BTK: variants seen among roughly 807,000 people sequenced by gnomAD.
BTK encodes Bruton tyrosine kinase, also known as tyrosine-protein kinase BTK.
BTK carries 5 observed loss-of-function variants against 57.4 expected under a neutral mutation model. The ratio of observed to expected loss-of-function variants is 0.09; its 90% CI spans 0.05 to 0.18. The LOEUF (loss-of-function observed/expected upper bound fraction) is 0.18. BTK is among the 10% of genes least tolerant of loss of function. The pLI is 1.00. For synonymous variants in BTK, 154 were observed against 174.3 expected (o/e 0.88, Z 0.92); for missense variants, 194 against 501.2 (o/e 0.39, Z 5.85).
intron 12 of BTK, 37 bp from the exon 13 acceptor site, chrX:101,357,620 G>A (rs1555978037): frequency 4.5e-6 from 5 of 1,111,506 alleles, no homozygotes; most frequent in Non-Finnish European, 6.2e-6. Context: ...TTGGTGTGGT[G>A]TAGGAGGTGG....
intron 5 of BTK, among the ~76,000 whole-genome samples, chrX:101,364,409 C>CAAA (rs782095484): frequency 6.0e-5 from 3 of 50,049 alleles, no homozygotes; most frequent in African/African-American, 1.5e-4. Flanking sequence ...AACTCCAACT[C>CAAA]AAAAAAAAAA....
At chrX:101,362,861 T>G in intron 5 of BTK, 172 bp from the exon 6 acceptor site, 1 of 613,867 alleles carries the variant, frequency 1.6e-6, no homozygotes, top group Non-Finnish European at 2.7e-6. Context: ...CCTGCCTGAC[T>G]GTGCCCTGGT....
intron 1 of BTK, among the ~76,000 whole-genome samples, chrX:101,384,945 C>T (rs1927566550): frequency 9.0e-6 from 1 of 111,555 alleles, no homozygotes; most frequent in African/African-American, 3.3e-5. Context: ...CTCTGGGGGA[C>T]ATTGGCAGGT....
chrX:101,373,099 A>G (rs1927088801), intron 3 of BTK, among the ~76,000 whole-genome samples: 1 of 110,147 alleles, frequency 9.1e-6, no homozygotes, highest in Non-Finnish European at 1.9e-5. Flanking sequence ...AATAATAATA[A>G]TAAAAATAAC....
chrX:101,354,569 C>T (rs2147425676), intron 16 of BTK, 61 bp downstream of exon 16: 2 of 1,082,738 alleles, frequency 1.8e-6, no homozygotes, highest in Non-Finnish European at 2.6e-6. Flanking sequence ...GTAACACCTA[C>T]CCATGTTTCA....
At position 101,356,037 on chromosome X, in the gene BTK, C is replaced by T; in HGVS notation, c.1566+15G>A. ...ATCAGCCCTTTGTCCTAGGCCAATCCTTCTAAGGTCCCACCAGGTCTCGGT... is the reference window on the plus strand; with the variant it reads ...ATCAGCCCTTTGTCCTAGGCCAATCTTTCTAAGGTCCCACCAGGTCTCGGT... On this transcript the variant is annotated intron_variant, in intron 15 of 18. Transcript: ENST00000308731. The T allele has an allele frequency of 8.3e-7, 1 of 1,207,615 alleles. No homozygotes were observed. Among genetic ancestry groups the T allele is most frequent in the Non-Finnish European group, 1.1e-6 (1 of 892,040 alleles).
At position 101,365,035 on chromosome X, in the gene BTK, C is replaced by T. The variant is rs374913994; in HGVS notation, c.392-2346G>A. 3.0e-4 allele frequency among the ~76,000 whole-genome samples: 34 copies of T among 111,915 alleles called. No homozygotes were observed. In the East Asian group the frequency reaches 5.4e-3, roughly 18 times the overall value. On this transcript the variant is annotated intron_variant, in intron 5 of 18. Coordinates refer to ENST00000308731, the MANE Select transcript of BTK (RefSeq NM_000061.3). ...TTGGGATTACAGGCATGAGCCACCA[C>T]GCCCAGCCCCTAGAGGGAATTTTAA...
chrX:101,356,018 C>A (rs782244626), intron 15 of BTK, 34 bp downstream of exon 15: 4 of 1,183,113 alleles, frequency 3.4e-6, no homozygotes, highest in African/African-American at 1.8e-5. Flanking sequence ...CCCCATCAGC[C>A]CTTTGTCCTA....
intron 5 of BTK, among the ~76,000 whole-genome samples, chrX:101,368,167 C>A (rs782172996): frequency 9.0e-6 from 1 of 111,718 alleles, no homozygotes; most frequent in South Asian, 3.7e-4. Flanking sequence ...AAGATAACTG[C>A]CTCATATGGT....
chrX:101,360,748 TTCAAGA>T lies in BTK; in HGVS notation c.590_595del (p.Ile197_Leu198del). 3 of 1,210,647 alleles carry T rather than the reference TTCAAGA, an allele frequency of 2.5e-6. No individual in the cohort carries two copies. Among genetic ancestry groups the T allele is most frequent in the Non-Finnish European group, 3.4e-6 (3 of 894,660 alleles). On this transcript the variant is annotated inframe_deletion and splice_region_variant, in exon 8 of 19. Coordinates refer to ENST00000308731, the MANE Select transcript of BTK (RefSeq NM_000061.3). The stretch of plus-strand genomic sequence containing the variant: ...TGCTGGCTCAGGCGGTAGTGGCTTT[TTCAAGA>T]TCTATGTAGTTAGGAGAAAAGGTAG...
Position 101,349,814 on chromosome X carries a change from G to T in BTK, c.*71C>A. The stretch of plus-strand genomic sequence containing the variant: ...AAGGCTCCAGGGCTCCTAAGCTTGG[G>T]ATTTCCTCTGAGAAAGTGAAATTGG... On this transcript the variant is annotated 3_prime_UTR_variant, in exon 19 of 19. Coordinates refer to ENST00000308731, the MANE Select transcript of BTK (RefSeq NM_000061.3). 1.0e-6 allele frequency: 1 copy of T among 998,871 alleles called. No individual in the cohort carries two copies. Among genetic ancestry groups the T allele is most frequent in the Non-Finnish European group, 1.4e-6 (1 of 703,696 alleles). The allele number at this position is 998,871 out of a possible 1,213,427, so 82.3% of individuals were successfully genotyped here.
upstream of BTK, chrX:101,390,594 G>A (rs782159973): frequency 2.0e-6 from 1 of 510,178 alleles, no homozygotes; most frequent in South Asian, 2.5e-5. Context: ...GGTCTTCATT[G>A]AATTAGCAGT....
chrX:101,373,277 T>C (rs1435333598), intron 3 of BTK, among the ~76,000 whole-genome samples: 2 of 111,066 alleles, frequency 1.8e-5, no homozygotes, highest in African/African-American at 6.5e-5. Context: ...TTCTAGGAAA[T>C]TATCATAAGG....
chrX:101,361,882 G>T (rs782345024), intron 7 of BTK, among the ~76,000 whole-genome samples: 1 of 112,516 alleles, frequency 8.9e-6, no homozygotes, highest in Admixed American at 9.4e-5. Context: ...GCGACAGAGC[G>T]AGACTCCGTC....
At chrX:101,389,649 C>T (rs1253008280), upstream of BTK, among the ~76,000 whole-genome samples, 1 of 111,487 alleles carries the variant, frequency 9.0e-6, no homozygotes, top group African/African-American at 3.3e-5. Context: ...GCCACCTCCT[C>T]CTGTGTCTCA....
intron 1 of BTK, among the ~76,000 whole-genome samples, chrX:101,379,924 C>T (rs781980555): frequency 1.5e-3 from 163 of 111,728 alleles, no homozygotes; most frequent in Non-Finnish European, 2.8e-3. Flanking sequence ...CTTACATTTT[C>T]CCTCTTTAAA....
chrX:101,367,637 AAAAT>A (rs60295371), intron 5 of BTK, among the ~76,000 whole-genome samples: 14,985 of 102,121 alleles, frequency 0.15, 1,382 homozygotes, highest in East Asian at 0.27. Flanking sequence ...ACTCCATCTC[AAAAT>A]AAATAAATAA....
chrX:101,359,609 C>T lies in BTK; in HGVS notation c.840-262G>A, dbSNP rs67491067. 0.34 allele frequency among the ~76,000 whole-genome samples: 37,279 copies of T among 109,803 alleles called. 6,899 individuals carry two copies. Among genetic ancestry groups the T allele is most frequent in the African/African-American group, 0.7 (20,886 of 29,961 alleles). On this transcript the variant is annotated intron_variant, in intron 9 of 18. Transcript: ENST00000308731. ...GATCAGGGACTAGGGCACTTGAGAA[C>T]AATCCACTTCCATGATTAGGGAGGA...
chrX:101,352,921 C>A, intron 18 of BTK: 3 of 254,494 alleles, frequency 1.2e-5, no homozygotes, highest in Non-Finnish European at 1.4e-5. Context: ...AAAAAATTAG[C>A]TTGGTGTGGT....
Sources: gnomAD v4.1 joint callset for allele counts (sites outside exome capture counted in the v4.1 genomes callset) on GRCh38, gnomAD v4.1.1 for gene constraint, MANE v1.5 for transcripts, NCBI Gene and HGNC (gene_info 2026-07-23, HGNC 2026-07-21) for gene names.